The following ACSM3 variants were observed in gnomAD, a reference collection of about 807,000 sequenced individuals.
The protein encoded by ACSM3 is acyl-coenzyme A synthetase ACSM3, mitochondrial.
ACSM3 carries 61 observed loss-of-function variants against 74.1 expected under a neutral mutation model. The observed-to-expected ratio is 0.82, with a 90% confidence interval of 0.67 to 1.02. ACSM3 has a LOEUF of 1.02. Among genes scored for constraint, ACSM3 ranks in the 50% least tolerant of loss-of-function variants. The pLI is 0.00. For synonymous variants in ACSM3, 213 were observed against 241.5 expected (o/e 0.88, Z 1.09); for missense variants, 660 against 697.0 (o/e 0.95, Z 0.60).
intron 1 of ACSM3, chr16:20,738,948 A>T: frequency 6.2e-7 from 1 of 1,614,196 alleles, no homozygotes; most frequent in East Asian, 2.2e-5. Flanking sequence ...CTTTCCACTG[A>T]CTGGAATCTT....
At position 20,735,249 on chromosome 16, in the gene ACSM3, G is replaced by T. The variant is rs543455728; in HGVS notation, c.-189-14661G>T. On this transcript the variant is annotated intron_variant, in intron 1 of 3. Transcript: ENST00000561584. ...CTCAGCAAAAGCTGGCTGTTTTATT[G>T]TAAGTACTCTGGCAATTCACCTTTC... 2.6e-5 allele frequency: 4 copies of T among 152,218 alleles called. 1 individual carries two copies. The South Asian group carries it at 6.2e-4, about 24-fold the overall frequency. The allele number at this position is 152,218 out of a possible 1,614,324, so 9.4% of individuals were successfully genotyped here.
At chr16:20,759,972 G>A (rs999369880), upstream of ACSM3, among the ~76,000 whole-genome samples, 1 of 152,092 alleles carries the variant, frequency 6.6e-6, no homozygotes, top group Non-Finnish European at 1.5e-5. Flanking sequence ...TGAAAAATTA[G>A]GCCATGATGG....
At chr16:20,720,663 A>T (rs1273390451) in intron 1 of ACSM3, among the ~76,000 whole-genome samples, 1 of 152,238 alleles carries the variant, frequency 6.6e-6, no homozygotes. Flanking sequence ...AGATCTCCAC[A>T]TCAGGTTTAC....
intron 6 of ACSM3, among the ~76,000 whole-genome samples, chr16:20,781,450 A>G (rs1440291968): frequency 6.6e-6 from 1 of 152,254 alleles, no homozygotes; most frequent in East Asian, 1.9e-4. Context: ...TTTAGGCAGT[A>G]TAAATAATCT....
chr16:20,719,171 T>C (rs1186564867), intron 1 of ACSM3: 1 of 158,642 alleles, frequency 6.3e-6, no homozygotes, highest in Non-Finnish European at 1.5e-5. Context: ...ACCAGTTGTT[T>C]TTAATTTTTG....
chr16:20,789,684 C>CTTT (rs561663756), intron 9 of ACSM3: 198 of 446,084 alleles, frequency 4.4e-4, no homozygotes, highest in Middle Eastern at 1.3e-3. Flanking sequence ...CTCTATTTTT[C>CTTT]TTTTTTTTTT....
chr16:20,678,493 C>A (rs163255), intron 1 of ACSM3, among the ~76,000 whole-genome samples: 1 of 152,104 alleles, frequency 6.6e-6, no homozygotes, highest in Middle Eastern at 3.4e-3. Flanking sequence ...TGAACTTCAC[C>A]GAATTACCCT....
chr16:20,745,826 C>T (rs879890749), intron 1 of ACSM3, among the ~76,000 whole-genome samples: 7 of 152,138 alleles, frequency 4.6e-5, no homozygotes, highest in Non-Finnish European at 1.0e-4. Flanking sequence ...ATGTTCAGTA[C>T]AGAACCCAGG....
chr16:20,780,844 T>A lies in ACSM3; in HGVS notation c.769T>A (p.Ser257Thr). 2.5e-6 allele frequency: 4 copies of A among 1,614,234 alleles called. No homozygotes were observed. Among genetic ancestry groups the A allele is most frequent in the Non-Finnish European group, 3.4e-6 (4 of 1,180,034 alleles). Residue 257 changes from serine to threonine, a missense_variant, in exon 5 of 14, where the codon TCT becomes ACT. Transcript: ENST00000289416. ...HTHSSFGLGL[S>T]VNGRFWLDLT... ...CCACAGCAGTTTTGGTTTAGGATTA[T>A]CTGTAAATGGAAGGTATACTTTCAC...
At chr16:20,771,222 G>A (rs1038864846) in intron 2 of ACSM3, among the ~76,000 whole-genome samples, 3 of 152,024 alleles carry the variant, frequency 2.0e-5, no homozygotes, top group African/African-American at 4.8e-5. Context: ...CCACCATGCC[G>A]GCTAATTTTT....
At chr16:20,696,325 C>T (rs965939973) in intron 1 of ACSM3, among the ~76,000 whole-genome samples, 50 of 152,212 alleles carry the variant, frequency 3.3e-4, no homozygotes, top group African/African-American at 1.2e-3. Context: ...CTATTTCCAT[C>T]CACATCTGTC....
chr16:20,692,632 G>A (rs1312547845), intron 1 of ACSM3, among the ~76,000 whole-genome samples: 2 of 152,226 alleles, frequency 1.3e-5, no homozygotes, highest in Non-Finnish European at 2.9e-5. Context: ...AGAAAACAAA[G>A]AGGAAATGGG....
At chr16:20,691,113 G>A (rs746806640) in intron 1 of ACSM3, 2 of 1,613,798 alleles carry the variant, frequency 1.2e-6, no homozygotes, top group Non-Finnish European at 1.7e-6. Context: ...CAGCGCAGCT[G>A]TGAAGGGGCA....
intron 1 of ACSM3, among the ~76,000 whole-genome samples, chr16:20,688,823 T>A (rs1441999002): frequency 6.6e-6 from 1 of 151,738 alleles, no homozygotes. Flanking sequence ...AATATGAAAA[T>A]GTAAAGTTCT....
rs948433801 is a variant in ACSM3, at chr16:20,792,353, T to C, written c.1554+18T>C. The stretch of plus-strand genomic sequence containing the variant: ...GAGGAGAGGTAAAAGAACTGATTCA[T>C]GTCAACTTTATAATTTGTTGGCAAT... On this transcript the variant is annotated intron_variant, in intron 12 of 13. Transcript: ENST00000289416. 1 of 1,613,234 alleles carries C rather than the reference T, an allele frequency of 6.2e-7. No homozygotes were observed. Among genetic ancestry groups the C allele is most frequent in the East Asian group, 2.2e-5 (1 of 44,880 alleles).
At chr16:20,714,399 C>T (rs1164908606) in intron 1 of ACSM3, among the ~76,000 whole-genome samples, 1 of 151,844 alleles carries the variant, frequency 6.6e-6, no homozygotes, top group Non-Finnish European at 1.5e-5. Flanking sequence ...GGTTTAAGAA[C>T]AGAAGTTCCA....
At chr16:20,767,723 A>C (rs890682227) in intron 1 of ACSM3, among the ~76,000 whole-genome samples, 1 of 152,204 alleles carries the variant, frequency 6.6e-6, no homozygotes, top group Non-Finnish European at 1.5e-5. Flanking sequence ...TCCCAGGAAC[A>C]TAACAGACAA....
intron 1 of ACSM3, chr16:20,718,317 A>G (rs767304837): frequency 6.0e-5 from 40 of 670,820 alleles, no homozygotes; most frequent in Non-Finnish European, 7.6e-5. Flanking sequence ...GCCATCTTAC[A>G]CCACCATCTT....
chr16:20,708,455 G>A (rs1051239561), intron 1 of ACSM3, among the ~76,000 whole-genome samples: 4 of 151,992 alleles, frequency 2.6e-5, no homozygotes, highest in African/African-American at 9.7e-5. Context: ...CAAAACCAAC[G>A]TACAAAAATT....
Sources: allele counts gnomAD v4.1 joint callset (sites outside exome capture counted in the v4.1 genomes callset), GRCh38; gene constraint gnomAD v4.1.1; transcripts MANE v1.5; gene names NCBI Gene and HGNC (gene_info 2026-07-23, HGNC 2026-07-21).